The following VLDLR variants were observed in gnomAD, a reference collection of about 807,000 sequenced individuals.
The protein encoded by VLDLR is very low density lipoprotein receptor.
Under a neutral mutation model 112.7 loss-of-function variants are expected in VLDLR, and 81 were observed. The observed-to-expected ratio is 0.72, with a 90% confidence interval of 0.60 to 0.86. VLDLR has a LOEUF of 0.86. Among genes scored for constraint, VLDLR ranks in the 40% least tolerant of loss-of-function variants. The pLI, the probability that VLDLR is intolerant of heterozygous loss-of-function variation, is 0.00. For missense variants in VLDLR, 1,237 were observed against 1,099.4 expected, an observed-to-expected ratio of 1.13 and a Z score of -1.77; for synonymous variants, 436 against 384.8, an observed-to-expected ratio of 1.13 and a Z score of -1.56.
chr9:2,636,398 A>T (rs1360968058), intron 2 of VLDLR, among the ~76,000 whole-genome samples: 1 of 152,244 alleles, frequency 6.6e-6, no homozygotes, highest in Admixed American at 6.5e-5. Context: ...CAAGGTAGAA[A>T]TACAGAAGAA....
intron 16 of VLDLR, 58 bp downstream of exon 16, chr9:2,651,556 C>A: frequency 1.4e-6 from 2 of 1,441,642 alleles, no homozygotes; most frequent in Non-Finnish European, 1.9e-6. Flanking sequence ...CTCTTTGTAT[C>A]TACAGCTTAA....
Position 2,633,049 on chromosome 9 carries a change from A to AGTGTGTGTGTGT in VLDLR, c.83-2403_83-2402insTGTGTGTGTGTG, listed in dbSNP as rs1258054088. Among the ~76,000 whole-genome samples, 427 of 107,058 alleles carry AGTGTGTGTGTGT rather than the reference A, an allele frequency of 4.0e-3. 1 individual carries two copies. The highest frequency in any genetic ancestry group is 0.013 in the African/African-American group (362 of 28,514). The allele number at this position is 107,058 out of a possible 152,430, so 70.2% of individuals were successfully genotyped here. On this transcript the variant is annotated intron_variant, in intron 1 of 18. Coordinates refer to ENST00000382100, the MANE Select transcript of VLDLR (RefSeq NM_003383.5). Reference sequence around the variant, plus strand: ...CCTTATTGGAGAGAGAGAGAGAGAGAGAGTGTGTGTGTGTGTGTGTGTGTG... The same window carrying AGTGTGTGTGTGT: ...CCTTATTGGAGAGAGAGAGAGAGAGAGTGTGTGTGTGTGAGTGTGTGTGTGTGTGTGTGTGTG...
intron 17 of VLDLR, among the ~76,000 whole-genome samples, chr9:2,652,170 G>C (rs1378433313): frequency 2.6e-5 from 4 of 152,182 alleles, no homozygotes; most frequent in Non-Finnish European, 5.9e-5. Flanking sequence ...GCAATGATAA[G>C]TGTTCAACGG....
At chr9:2,635,350 C>T (rs980302541) in intron 1 of VLDLR, 103 bp from the exon 2 acceptor site, 114 of 1,573,844 alleles carry the variant, frequency 7.2e-5, no homozygotes, top group Non-Finnish European at 9.1e-5. Flanking sequence ...CATAGCCTGC[C>T]GAGTCTGCAG....
At position 2,626,551 on chromosome 9, in the gene VLDLR, T is replaced by C. The variant is rs570046950; in HGVS notation, c.82+4280T>C. On this transcript the variant is annotated intron_variant, in intron 1 of 18. Coordinates refer to ENST00000382100, the MANE Select transcript of VLDLR (RefSeq NM_003383.5). ...TCTAAGCAAGAGAATGCCTGTTAGG[T>C]CCTGTGAGAGTAAGTGTGGAGATTC... Among the ~76,000 whole-genome samples the C allele has an allele frequency of 3.3e-5, 5 of 152,288 alleles. No individual in the cohort carries two copies. The South Asian group carries it at 1.0e-3, about 32-fold the overall frequency.
At chr9:2,643,985 A>T in intron 7 of VLDLR, 26 bp downstream of exon 7, 1 of 1,613,974 alleles carries the variant, frequency 6.2e-7, no homozygotes, top group Non-Finnish European at 8.5e-7. Context: ...GTTCAAGTAC[A>T]GATCCTGGAA....
rs1295086328 is a variant in VLDLR at position 2,641,442 on chromosome 9, T to C, written c.391T>C (p.Ser131Pro). 1 of 1,614,168 alleles carries C rather than the reference T, an allele frequency of 6.2e-7. No homozygotes were observed. ...GAHSTQCIPV[S>P]WRCDGENDCD... ...CCATTCTACTCAGTGTATCCCAGTG[T>C]CCTGGAGATGTGATGGTGAAAATGA... is the stretch of plus-strand genomic sequence containing the variant. Residue 131 changes from serine to proline, a missense_variant, in exon 4 of 19, where the codon TCC becomes CCC. Physicochemically the swap from Ser to Pro is moderately conservative, Grantham distance 74 (BLOSUM62 -1). Transcript: ENST00000382100.
At chr9:2,648,630 A>G (rs1277541339) in intron 13 of VLDLR, 39 bp from the exon 14 acceptor site, 1 of 1,614,062 alleles carries the variant, frequency 6.2e-7, no homozygotes, top group African/African-American at 1.3e-5. Context: ...ACTTGTGTTA[A>G]TCCTGGATGT....
At chr9:2,647,758 T>G in intron 12 of VLDLR, 166 bp downstream of exon 12, 1 of 720,466 alleles carries the variant, frequency 1.4e-6, no homozygotes, top group Admixed American at 2.0e-5. Context: ...AATGGTGGAT[T>G]AACAAATTAC....
chr9:2,631,421 T>C (rs902064791), intron 1 of VLDLR, among the ~76,000 whole-genome samples: 3 of 152,030 alleles, frequency 2.0e-5, no homozygotes, highest in Non-Finnish European at 4.4e-5. Flanking sequence ...TAAATGCCCA[T>C]CAATAATGAA....
Position 2,659,081 on chromosome 9 carries a change from C to T in VLDLR, c.*5213C>T, listed in dbSNP as rs2130823169. The T allele has an allele frequency of 6.6e-6, 1 of 152,326 alleles. No homozygotes were observed. Among genetic ancestry groups the T allele is most frequent in the East Asian group, 1.9e-4 (1 of 5,186 alleles). The allele number at this position is 152,326 out of a possible 1,614,324, so 9.4% of individuals were successfully genotyped here. On this transcript the variant is annotated 3_prime_UTR_variant, in exon 19 of 19. Transcript: ENST00000382100. ...AGATGGCTGCCAAAGCACTTAAAAT[C>T]TCCTTTAAATTCTTACCATATGCTT... is the stretch of plus-strand genomic sequence containing the variant.
rs1446991774 is a variant in VLDLR at position 2,622,219 on chromosome 9, G to C, written c.30G>C (p.Trp10Cys). MGTSALWAL[W>C]LLLALCWAPR... is the part of the protein sequence containing the mutation. ...GCACGTCCGCGCTCTGGGCGCTCTG[G>C]CTGCTGCTCGCGCTGTGCTGGGCGC... is the stretch of plus-strand genomic sequence containing the variant. Residue 10 changes from tryptophan (W) to cysteine (C), a missense_variant, in exon 1 of 19, where the codon TGG (tryptophan) becomes TGC (cysteine). Physicochemically the swap from Trp to Cys is radical, Grantham distance 215. Coordinates refer to ENST00000382100, the MANE Select transcript of VLDLR (RefSeq NM_003383.5). 6.6e-7 allele frequency: 1 copy of C among 1,505,908 alleles called. No individual in the cohort carries two copies. Among genetic ancestry groups the C allele is most frequent in the Admixed American group, 2.1e-5 (1 of 48,130 alleles). 93.3% of individuals were successfully genotyped at this position (1,505,908 alleles called of 1,614,324 possible). A position where few individuals can be genotyped will look rare whatever the true frequency, so the allele number is the denominator to read the frequency against.
In VLDLR at chr9:2,654,680, A is replaced by T. The variant is rs1363981775; in HGVS notation, c.*812A>T. On this transcript the variant is annotated 3_prime_UTR_variant, in exon 19 of 19. Coordinates refer to ENST00000382100, the MANE Select transcript of VLDLR (RefSeq NM_003383.5). The stretch of plus-strand genomic sequence containing the variant: ...CGAAATATTTCTTACTGTGTAAAAG[A>T]AGCTAGCTTAGTCTGTACCTAGAAT... 2 of 152,208 alleles carry T rather than the reference A, an allele frequency of 1.3e-5. No homozygotes were observed. Among genetic ancestry groups the T allele is most frequent in the African/African-American group, 4.8e-5 (2 of 41,462 alleles). 9.4% of individuals were successfully genotyped at this position (152,208 alleles called of 1,614,324 possible). A position where few individuals can be genotyped will look rare whatever the true frequency, so the allele number is the denominator to read the frequency against.
chr9:2,631,615 C>T (rs1817354837), intron 1 of VLDLR, among the ~76,000 whole-genome samples: 2 of 152,052 alleles, frequency 1.3e-5, no homozygotes. Flanking sequence ...TTAAATATTT[C>T]ATTCCATGGA....
At chr9:2,642,015 C>T (rs975135400) in intron 4 of VLDLR, among the ~76,000 whole-genome samples, 2 of 151,704 alleles carry the variant, frequency 1.3e-5, no homozygotes, top group East Asian at 3.9e-4. Flanking sequence ...CATCTTGCCT[C>T]AGATACCCAA....
chr9:2,656,501 A>C lies in VLDLR; in HGVS notation c.*2633A>C, dbSNP rs1389106423. The C allele has an allele frequency of 1.3e-5, 2 of 152,214 alleles. No individual in the cohort carries two copies. The highest frequency in any genetic ancestry group is 2.9e-5 in the Non-Finnish European group (2 of 68,040). 9.4% of individuals were successfully genotyped at this position (152,214 alleles called of 1,614,324 possible). ...TAAACTACTAGTCAATACAGCTTGC[A>C]ATAATAGTGCATGAATGATAACAGG... On this transcript the variant is annotated 3_prime_UTR_variant, in exon 19 of 19. Transcript: ENST00000382100.
intron 2 of VLDLR, among the ~76,000 whole-genome samples, chr9:2,637,803 C>T (rs879899102): frequency 1.3e-5 from 2 of 152,028 alleles, no homozygotes; most frequent in Admixed American, 1.3e-4. Context: ...TTTAGCCGGA[C>T]ATGGTGGCAG....
rs1248446972 is a variant in VLDLR, at chr9:2,654,794, C to CTTCT, written c.*929_*932dup. ...CGTGCTAAGATTTCTATGAATTCTG[C>CTTCT]TTCTTTATAGTTAAGTCTCTGTTTT... is the stretch of plus-strand genomic sequence containing the variant. On this transcript the variant is annotated 3_prime_UTR_variant, in exon 19 of 19. Coordinates refer to ENST00000382100, the MANE Select transcript of VLDLR (RefSeq NM_003383.5). 2 of 152,096 alleles carry CTTCT rather than the reference C, an allele frequency of 1.3e-5. No individual in the cohort carries two copies. The highest frequency in any genetic ancestry group is 4.8e-5 in the African/African-American group (2 of 41,422). The allele number at this position is 152,096 out of a possible 1,614,324, so 9.4% of individuals were successfully genotyped here. A position where few individuals can be genotyped will look rare whatever the true frequency, so the allele number is the denominator to read the frequency against.
chr9:2,621,941 A>G lies in VLDLR; in HGVS notation c.-249A>G, dbSNP rs1485986264. On this transcript the variant is annotated 5_prime_UTR_variant, in exon 1 of 19. Coordinates refer to ENST00000382100, the MANE Select transcript of VLDLR (RefSeq NM_003383.5). ...AGCGCCTGCATTATTTTCTGCCCGC[A>G]GGCTCGGCTTGCACTGCTGCTGCAG... 5.1e-5 allele frequency: 33 copies of G among 646,332 alleles called. No homozygotes were observed. The highest frequency in any genetic ancestry group is 9.3e-5 in the Non-Finnish European group (33 of 354,386). The allele number at this position is 646,332 out of a possible 1,614,324, so 40.0% of individuals were successfully genotyped here. A position where few individuals can be genotyped will look rare whatever the true frequency, so the allele number is the denominator to read the frequency against.
Sources: gnomAD v4.1 joint callset for allele counts (sites outside exome capture counted in the v4.1 genomes callset) on GRCh38, gnomAD v4.1.1 for gene constraint, MANE v1.5 for transcripts, NCBI Gene and HGNC (gene_info 2026-07-23, HGNC 2026-07-21) for gene names.